Variants in GALNT2 observed in about 807,000 individuals in gnomAD.
GALNT2 encodes the protein polypeptide N-acetylgalactosaminyltransferase 2, also known as UDP-GalNAc:polypeptide N-acetylgalactosaminyltransferase 2.
A neutral mutation model predicts 81.4 loss-of-function variants in GALNT2; 31 were observed. That is an observed-to-expected ratio of 0.38 (90% CI 0.29 to 0.51). GALNT2 has a LOEUF of 0.51. Ranked by LOEUF, GALNT2 falls within the 20% of genes least tolerant of loss-of-function variation. GALNT2 has a pLI of 0.87. For synonymous variants in GALNT2, 303 were observed against 287.4 expected (o/e 1.05, Z -0.55); for missense variants, 629 against 765.7 (o/e 0.82, Z 2.11).
intron 1 of GALNT2, among the ~76,000 whole-genome samples, chr1:230,143,872 T>C (rs574179696): frequency 2.0e-4 from 31 of 152,362 alleles, no homozygotes; most frequent in African/African-American, 6.7e-4. Flanking sequence ...TGATGGTCCC[T>C]CCTGTTATTT....
At chr1:230,127,505 A>G (rs1479571381) in intron 1 of GALNT2, among the ~76,000 whole-genome samples, 1 of 151,992 alleles carries the variant, frequency 6.6e-6, no homozygotes, top group Admixed American at 6.6e-5. Context: ...CCTCCCAAGC[A>G]GCTGGGACTA....
At chr1:230,172,876 T>C (rs1662839596) in intron 1 of GALNT2, among the ~76,000 whole-genome samples, 1 of 152,220 alleles carries the variant, frequency 6.6e-6, no homozygotes, top group Non-Finnish European at 1.5e-5. Flanking sequence ...TTAGATGTCA[T>C]TGCTATTTTA....
At chr1:230,128,637 G>A (rs549111391) in intron 1 of GALNT2, among the ~76,000 whole-genome samples, 1 of 150,854 alleles carries the variant, frequency 6.6e-6, no homozygotes, top group Admixed American at 6.6e-5. Flanking sequence ...GGGGGTGGTT[G>A]GGGGGAGGTA....
upstream of GALNT2, among the ~76,000 whole-genome samples, chr1:230,062,834 C>T (rs1283778761): frequency 2.0e-5 from 3 of 152,068 alleles, no homozygotes; most frequent in African/African-American, 7.2e-5. Flanking sequence ...ATACAAATAT[C>T]CGTTTGAGTC....
At chr1:230,100,250 G>A (rs1660361882) in intron 1 of GALNT2, among the ~76,000 whole-genome samples, 1 of 151,200 alleles carries the variant, frequency 6.6e-6, no homozygotes, top group African/African-American at 2.4e-5. Context: ...ACTCAGTTCT[G>A]CACCAGCTCT....
At chr1:230,237,149 G>A (rs888681814) in intron 6 of GALNT2, among the ~76,000 whole-genome samples, 3 of 152,240 alleles carry the variant, frequency 2.0e-5, no homozygotes, top group Non-Finnish European at 1.5e-5. Flanking sequence ...TGGGGAGACA[G>A]TACTGCAATT....
rs1188702169 is a variant in GALNT2 at position 230,070,944 on chromosome 1, T to G, written c.126+3538T>G. On this transcript the variant is annotated intron_variant, in intron 1 of 15. Transcript: ENST00000366672. This position sits in a 1 kb window ranked among gnomAD's most constrained non-coding sequence, Gnocchi z 4.7. ...TGAGACCTAGCTGTTTACCTCTTTGTGCTTAGTGACCTTCACTGATGCATT... is the reference window on the plus strand; with the variant it reads ...TGAGACCTAGCTGTTTACCTCTTTGGGCTTAGTGACCTTCACTGATGCATT... Among the ~76,000 whole-genome samples, 1 of 152,194 alleles carries G rather than the reference T, an allele frequency of 6.6e-6. No individual in the cohort carries two copies.
At chr1:230,247,150 T>C (rs1024467200) in intron 8 of GALNT2, among the ~76,000 whole-genome samples, 1 of 151,892 alleles carries the variant, frequency 6.6e-6, no homozygotes, top group Non-Finnish European at 1.5e-5. Flanking sequence ...GAGGATCACT[T>C]GAGCCTGGGA....
intron 1 of GALNT2, among the ~76,000 whole-genome samples, chr1:230,072,042 A>G (rs965157025): frequency 2.0e-5 from 3 of 152,044 alleles, no homozygotes; most frequent in African/African-American, 4.8e-5. Context: ...AGGCTGGTGA[A>G]GGTTTTATGA....
intron 1 of GALNT2, among the ~76,000 whole-genome samples, chr1:230,143,716 GA>G (rs1661824160): frequency 6.6e-6 from 1 of 152,230 alleles, no homozygotes; most frequent in Non-Finnish European, 1.5e-5. Flanking sequence ...TTGCTGCTCT[GA>G]TAACTGAAAG....
At chr1:230,122,558 A>G (rs2102802951) in intron 1 of GALNT2, among the ~76,000 whole-genome samples, 1 of 152,210 alleles carries the variant, frequency 6.6e-6, no homozygotes, top group East Asian at 1.9e-4. Flanking sequence ...CCCCCCAGGG[A>G]TAAGGAAACC....
At position 230,248,899 on chromosome 1, in the gene GALNT2, A is replaced by AT. The variant is rs565585551; in HGVS notation, c.818-279dup. 3.5e-3 allele frequency among the ~76,000 whole-genome samples: 528 copies of AT among 151,532 alleles called. 7 individuals are homozygous for AT. The highest frequency in any genetic ancestry group is 0.012 in the African/African-American group (511 of 41,248). On this transcript the variant is annotated intron_variant, in intron 8 of 15. Coordinates refer to ENST00000366672, the MANE Select transcript of GALNT2 (RefSeq NM_004481.5). Reference sequence around the variant, plus strand: ...GACCCCAGTTCTCTCCCCATATTTCATTTTTTCCTATGCATTTCAATATTA... The same window carrying AT: ...GACCCCAGTTCTCTCCCCATATTTCATTTTTTTCCTATGCATTTCAATATTA...
At chr1:230,149,918 G>C (rs1034794920) in intron 1 of GALNT2, among the ~76,000 whole-genome samples, 5 of 152,160 alleles carry the variant, frequency 3.3e-5, no homozygotes, top group South Asian at 2.1e-4. Context: ...GTGGCCATCA[G>C]ATCAATTGAT....
intron 1 of GALNT2, among the ~76,000 whole-genome samples, chr1:230,155,630 G>A (rs1489757780): frequency 6.6e-6 from 1 of 152,184 alleles, no homozygotes; most frequent in Non-Finnish European, 1.5e-5. Context: ...GGCAGAGCTA[G>A]GTTTTGTGAG....
rs1174487274 is a variant in GALNT2 at position 230,255,202 on chromosome 1, T to G, written c.1010-16T>G. On this transcript the variant is annotated splice_polypyrimidine_tract_variant and intron_variant, in intron 10 of 15. Transcript: ENST00000366672. ...CCAGGCTCTGTCAGTCACCTGTGTC[T>G]TGTTCATCGTCTCAGAGATCTCGTT... 5 of 1,614,086 alleles carry G rather than the reference T, an allele frequency of 3.1e-6. No individual in the cohort carries two copies. The African/African-American group carries it at 6.7e-5, about 22-fold the overall frequency.
Position 230,101,425 on chromosome 1 carries a change from G to A in GALNT2, c.126+34019G>A, listed in dbSNP as rs141126173. On this transcript the variant is annotated intron_variant, in intron 1 of 15. Coordinates refer to ENST00000366672, the MANE Select transcript of GALNT2 (RefSeq NM_004481.5). ...GCCCCCGTGTTCTGGTCACTCGTGT[G>A]CCCGTCTCTTCACACTCAGTTTTCC... is the stretch of plus-strand genomic sequence containing the variant. Among the ~76,000 whole-genome samples, 1,512 of 152,314 alleles carry A rather than the reference G, an allele frequency of 9.9e-3. 41 individuals carry two copies. The highest frequency in any genetic ancestry group is 0.035 in the African/African-American group (1,438 of 41,554).
chr1:230,201,386 G>A (rs192173510), intron 2 of GALNT2, among the ~76,000 whole-genome samples: 1 of 152,244 alleles, frequency 6.6e-6, no homozygotes, highest in Non-Finnish European at 1.5e-5. Flanking sequence ...GACCTCGCAG[G>A]ACCATTGCAA....
Position 230,236,717 on chromosome 1 carries a change from G to T in GALNT2, c.599G>T (p.Arg200Leu), listed in dbSNP as rs369808855. The change falls in exon 6 of 16, where the codon CGA becomes CTA. Residue 200 changes from arginine (R) to leucine (L), a missense_variant. Coordinates refer to ENST00000366672, the MANE Select transcript of GALNT2 (RefSeq NM_004481.5). ...IEKVRVLRND[R>L]REGLMRSRVR... ...AAAGTGCGAGTTCTTAGAAATGATC[G>T]ACGAGAAGGTAAGATTCTTCTTAAT... is the stretch of plus-strand genomic sequence containing the variant. 16 of 1,613,182 alleles carry T rather than the reference G, an allele frequency of 9.9e-6. No individual in the cohort carries two copies. Among genetic ancestry groups the T allele is most frequent in the Non-Finnish European group, 1.4e-5 (16 of 1,179,828 alleles).
At chr1:230,238,576 A>T (rs1042160108) in intron 6 of GALNT2, among the ~76,000 whole-genome samples, 1 of 152,196 alleles carries the variant, frequency 6.6e-6, no homozygotes, top group Non-Finnish European at 1.5e-5. Context: ...TAGGACCAAA[A>T]CCATGTTAAT....
Sources: gnomAD v4.1 joint callset for allele counts (sites outside exome capture counted in the v4.1 genomes callset) on GRCh38, gnomAD v4.1.1 for gene constraint, Gnocchi (gnomAD v3.1) non-coding constraint, MANE v1.5 for transcripts, NCBI Gene and HGNC (gene_info 2026-07-23, HGNC 2026-07-21) for gene names.